The following OR51G1 variants were observed in gnomAD, a reference collection of about 807,000 sequenced individuals.
The protein encoded by OR51G1 is olfactory receptor family 51 subfamily G member 1, also known as olfactory receptor 51G1.
For missense variants in OR51G1, 454 were observed against 396.0 expected (o/e 1.15, Z -1.24); for synonymous variants, 163 against 156.9 (o/e 1.04, Z -0.29).
rs148246125 is a variant in OR51G1 at position 4,923,729 on chromosome 11, A to G, written c.611T>C (p.Val204Ala). The part of the protein sequence containing the change: ...IIVNHIYGLF[V>A]VACTVGVDSL... ...GTCCACACCCACGGTGCAGGCCACA[A>G]CAAAGAGCCCATAGATGTGATTGAC... Residue 204 changes from valine to alanine, a missense_variant, in exon 1 of 1, where the codon GTT becomes GCT. Coordinates refer to ENST00000623849, the MANE Select transcript of OR51G1 (RefSeq NM_001005237.1). 6.7e-5 allele frequency: 108 copies of G among 1,614,148 alleles called. 1 individual carries two copies. In the South Asian group the frequency reaches 1.0e-3, roughly 15 times the overall value.
chr11:4,924,200 A>G lies in OR51G1; in HGVS notation c.140T>C (p.Ile47Thr), dbSNP rs1317166020. 3 of 1,614,202 alleles carry G rather than the reference A, an allele frequency of 1.9e-6. No individual in the cohort carries two copies. The highest frequency in any genetic ancestry group is 1.1e-5 in the South Asian group (1 of 91,080). The change falls in exon 1 of 1, where the codon ATT (isoleucine) becomes ACT (threonine). Residue 47 changes from isoleucine to threonine, a missense_variant. Ile to Thr is a moderately conservative substitution (Grantham distance 89). Coordinates refer to ENST00000623849, the MANE Select transcript of OR51G1 (RefSeq NM_001005237.1). ...GGCATCAGTACAAATGACGTGGAGA[A>G]TGGTGAGGTTCCCCAAGATAACTGT... ...YLTVILGNLT[I>T]LHVICTDATL...
chr11:4,923,952 T>G lies in OR51G1; in HGVS notation c.388A>C (p.Asn130His). Residue 130 changes from asparagine (N) to histidine (H), a missense_variant, in exon 1 of 1, where the codon AAC becomes CAC. Transcript: ENST00000623849. The stretch of plus-strand genomic sequence containing the variant: ...AGGACGGTGGAGTCATGCAGTGGGT[T>G]GCAGACGGCCACGTAGCGGTCAATG... ...MSIDRYVAVCNPLHDSTVLTP... is the reference protein window; with the variant it reads ...MSIDRYVAVCHPLHDSTVLTP... 1 of 1,614,100 alleles carries G rather than the reference T, an allele frequency of 6.2e-7. No homozygotes were observed.
rs776636581 is a variant in OR51G1, at chr11:4,924,253, G to T, written c.87C>A (p.Ile29=). Residue 29 remains isoleucine, a synonymous_variant, in exon 1 of 1, where the codon ATC becomes ATA. Coordinates refer to ENST00000623849, the MANE Select transcript of OR51G1 (RefSeq NM_001005237.1). The part of the protein sequence containing the change: ...FQGLEGLHGW[I]SIPFCFIYLT... ...GGTAGATGAAGCAGAAGGGAATAGA[G>T]ATCCAGCCATGGAGACCTTCTAGAC... 1.2e-6 allele frequency: 2 copies of T among 1,614,164 alleles called. No homozygotes were observed. Among genetic ancestry groups the T allele is most frequent in the Non-Finnish European group, 1.7e-6 (2 of 1,180,024 alleles).
Position 4,923,853 on chromosome 11 carries a change from A to G in OR51G1, c.487T>C (p.Phe163Leu). The change falls in exon 1 of 1, where the codon TTC (phenylalanine) becomes CTC (leucine). Residue 163 changes from phenylalanine to leucine, a missense_variant. By Grantham distance (22) the Phe-to-Leu change is conservative (BLOSUM62 0). Coordinates refer to ENST00000623849, the MANE Select transcript of OR51G1 (RefSeq NM_001005237.1). The part of the protein sequence containing the change: ...RSALLILPLP[F>L]LLKRFQYCHS... ...CAGTATTGGAAGCGCTTCAGGAGGA[A>G]TGGCAAGGGGAGGATGAGGAGAGCA... 2 of 1,614,012 alleles carry G rather than the reference A, an allele frequency of 1.2e-6. No homozygotes were observed. Among genetic ancestry groups the G allele is most frequent in the Non-Finnish European group, 1.7e-6 (2 of 1,180,010 alleles).
chr11:4,923,971 G>C lies in OR51G1; in HGVS notation c.369C>G (p.Asp123Glu). 1.2e-6 allele frequency: 2 copies of C among 1,614,142 alleles called. No homozygotes were observed. The highest frequency in any genetic ancestry group is 1.7e-6 in the Non-Finnish European group (2 of 1,180,028). Reference protein sequence around the residue: ...ESSVLLSMSIDRYVAVCNPLH... With the variant: ...ESSVLLSMSIERYVAVCNPLH... ...GTGGGTTGCAGACGGCCACGTAGCG[G>C]TCAATGGACATGGATAACAGAACTG... The change falls in exon 1 of 1, where the codon GAC becomes GAG. Residue 123 changes from aspartate to glutamate, a missense_variant. By Grantham distance (45) the Asp-to-Glu change is conservative. Coordinates refer to ENST00000623849, the MANE Select transcript of OR51G1 (RefSeq NM_001005237.1).
In OR51G1 at chr11:4,923,507, A is replaced by C. The variant is rs1376358564; in HGVS notation, c.833T>G (p.Met278Arg). The change falls in exon 1 of 1, where the codon ATG (methionine) becomes AGG (arginine). Residue 278 changes from methionine (M) to arginine (R), a missense_variant. Transcript: ENST00000623849. ...TGGTACCAGCAGATACACATAGGAC[A>C]TGAAGAGGTGTACAACGCGGGGCAG... The part of the protein sequence containing the change: ...EHLPRVVHLF[M>R]SYVYLLVPPL... The C allele has an allele frequency of 1.2e-6, 2 of 1,614,082 alleles. No individual in the cohort carries two copies. The highest frequency in any genetic ancestry group is 1.7e-6 in the Non-Finnish European group (2 of 1,180,030).
rs1198620276 is a variant in OR51G1 at position 4,923,593 on chromosome 11, A to G, written c.747T>C (p.Ala249=). ...TCATGGGGATGTAGAAGAGCAGTAC[A>G]GCACAGATATGAGAGACACAGGTGT... The part of the protein sequence containing the change: ...ALNTCVSHIC[A]VLLFYIPMIG... The change falls in exon 1 of 1, where the codon GCT becomes GCC. Residue 249 remains alanine, a synonymous_variant. Coordinates refer to ENST00000623849, the MANE Select transcript of OR51G1 (RefSeq NM_001005237.1). The G allele has an allele frequency of 1.2e-6, 2 of 1,614,152 alleles. No individual in the cohort carries two copies. Among genetic ancestry groups the G allele is most frequent in the Non-Finnish European group, 8.5e-7 (1 of 1,180,022 alleles).
In OR51G1 at chr11:4,924,320, C is replaced by T. The variant is rs1374502939; in HGVS notation, c.20G>A (p.Ser7Asn). Reference sequence around the variant, plus strand: ...GAAGAAAGTGGCTCTTTGGAGGCTGCTATTAAGAAGAATTGTCATAGCTTT... The same window carrying T: ...GAAGAAAGTGGCTCTTTGGAGGCTGTTATTAAGAAGAATTGTCATAGCTTT... MTILLN[S>N]SLQRATFFLT... Residue 7 changes from serine to asparagine, a missense_variant, in exon 1 of 1, where the codon AGC becomes AAC. By Grantham distance (46) the Ser-to-Asn change is conservative. Coordinates refer to ENST00000623849, the MANE Select transcript of OR51G1 (RefSeq NM_001005237.1). 4.4e-6 allele frequency: 7 copies of T among 1,608,274 alleles called. No individual in the cohort carries two copies. In the South Asian group the frequency reaches 5.6e-5, roughly 13 times the overall value.
chr11:4,924,251 G>T lies in OR51G1; in HGVS notation c.89C>A (p.Ser30Tyr). Reference protein sequence around the residue: ...QGLEGLHGWISIPFCFIYLTV... With the variant: ...QGLEGLHGWIYIPFCFIYLTV... ...CAGGTAGATGAAGCAGAAGGGAATA[G>T]AGATCCAGCCATGGAGACCTTCTAG... The change falls in exon 1 of 1, where the codon TCT becomes TAT. Residue 30 changes from serine to tyrosine, a missense_variant. Ser to Tyr is a moderately radical substitution (Grantham distance 144, BLOSUM62 -2). Coordinates refer to ENST00000623849, the MANE Select transcript of OR51G1 (RefSeq NM_001005237.1). 1 of 1,614,168 alleles carries T rather than the reference G, an allele frequency of 6.2e-7. No individual in the cohort carries two copies. The highest frequency in any genetic ancestry group is 8.5e-7 in the Non-Finnish European group (1 of 1,180,022).
Position 4,923,821 on chromosome 11 carries a change from G to A in OR51G1, c.519C>T (p.Ser173=). Residue 173 remains serine, a synonymous_variant, in exon 1 of 1, where the codon TCC becomes TCT. Transcript: ENST00000623849. ...GACAATAAGCATGAGCCAGCACATGGGAGTGGCAGTATTGGAAGCGCTTCA... is the reference window on the plus strand; with the variant it reads ...GACAATAAGCATGAGCCAGCACATGAGAGTGGCAGTATTGGAAGCGCTTCA... ...FLLKRFQYCH[S]HVLAHAYCLH... The A allele has an allele frequency of 1.2e-6, 2 of 1,613,998 alleles. No individual in the cohort carries two copies. Among genetic ancestry groups the A allele is most frequent in the East Asian group, 2.2e-5 (1 of 44,858 alleles).
chr11:4,923,401 C>A lies in OR51G1; in HGVS notation c.939G>T (p.Lys313Asn). 6.4e-7 allele frequency: 1 copy of A among 1,569,172 alleles called. No homozygotes were observed. The change falls in exon 1 of 1, where the codon AAG (lysine) becomes AAT (asparagine). Residue 313 changes from lysine (K) to asparagine (N), a missense_variant. Physicochemically the swap from Lys to Asn is moderately conservative, Grantham distance 94 (BLOSUM62 0). Transcript: ENST00000623849. Reference sequence around the variant, plus strand: ...AATCCTTCCAAAAACACCTAAGTGACTTTATAAACTGAAACTTCTTAATGA... The same window carrying A: ...AATCCTTCCAAAAACACCTAAGTGAATTTATAAACTGAAACTTCTTAATGA... ...QRIIKKFQFI[K>N]SLRCFWKD
In OR51G1 at chr11:4,923,468, G is replaced by T. The variant is rs552022062; in HGVS notation, c.872C>A (p.Pro291His). The T allele has an allele frequency of 2.1e-4, 345 of 1,613,308 alleles. 3 individuals carry two copies. In the South Asian group the frequency reaches 3.6e-3, roughly 17 times the overall value. Residue 291 changes from proline (P) to histidine (H), a missense_variant, in exon 1 of 1, where the codon CCC becomes CAC. Coordinates refer to ENST00000623849, the MANE Select transcript of OR51G1 (RefSeq NM_001005237.1). ...CTTGGTCTTGATGCTGTAGATGATG[G>T]GGTTCATAAGGGGTGGTACCAGCAG... is the stretch of plus-strand genomic sequence containing the variant. ...VYLLVPPLMN[P>H]IIYSIKTKQI...
Position 4,923,821 on chromosome 11 carries a change from G to C in OR51G1, c.519C>G (p.Ser173=). 6.2e-7 allele frequency: 1 copy of C among 1,613,998 alleles called. No homozygotes were observed. Among genetic ancestry groups the C allele is most frequent in the Non-Finnish European group, 8.5e-7 (1 of 1,180,018 alleles). ...FLLKRFQYCH[S]HVLAHAYCLH... ...GACAATAAGCATGAGCCAGCACATGGGAGTGGCAGTATTGGAAGCGCTTCA... is the reference window on the plus strand; with the variant it reads ...GACAATAAGCATGAGCCAGCACATGCGAGTGGCAGTATTGGAAGCGCTTCA... Residue 173 remains serine (S), a synonymous_variant, in exon 1 of 1, where the codon TCC becomes TCG. Transcript: ENST00000623849.
rs752679930 is a variant in OR51G1, at chr11:4,923,549, T to C, written c.791A>G (p.His264Arg). 3.7e-6 allele frequency: 6 copies of C among 1,614,092 alleles called. No homozygotes were observed. The highest frequency in any genetic ancestry group is 1.7e-5 in the Admixed American group (1 of 60,016). The change falls in exon 1 of 1, where the codon CAT (histidine) becomes CGT (arginine). Residue 264 changes from histidine (H) to arginine (R), a missense_variant. Physicochemically the swap from His to Arg is conservative, Grantham distance 29. Coordinates refer to ENST00000623849, the MANE Select transcript of OR51G1 (RefSeq NM_001005237.1). The stretch of plus-strand genomic sequence containing the variant: ...GCGGGGCAGATGTTCACCAAAGCGA[T>C]GCACAAGAGACAAGCCAATCATGGG... ...YIPMIGLSLVHRFGEHLPRVV... is the reference protein window; with the variant it reads ...YIPMIGLSLVRRFGEHLPRVV...
rs146006146 is a variant in OR51G1, at chr11:4,923,525, C to T, written c.815G>A (p.Arg272His). The T allele has an allele frequency of 3.9e-4, 636 of 1,614,030 alleles. 4 individuals carry two copies. In the East Asian group the frequency reaches 0.011, roughly 29 times the overall value. The stretch of plus-strand genomic sequence containing the variant: ...ATAGGACATGAAGAGGTGTACAACG[C>T]GGGGCAGATGTTCACCAAAGCGATG... The part of the protein sequence containing the change: ...LVHRFGEHLP[R>H]VVHLFMSYVY... The change falls in exon 1 of 1, where the codon CGC becomes CAC. Residue 272 changes from arginine to histidine, a missense_variant. By Grantham distance (29) the Arg-to-His change is conservative. Transcript: ENST00000623849.
rs745347229 is a variant in OR51G1, at chr11:4,923,380, C to A, written c.960G>T (p.Lys320Asn). Residue 320 changes from lysine to asparagine, a missense_variant, in exon 1 of 1, where the codon AAG becomes AAT. Lys to Asn is a moderately conservative substitution (Grantham distance 94, BLOSUM62 0). Transcript: ENST00000623849. ...QFIKSLRCFW[K>N]D is the part of the protein sequence containing the mutation. ...TTCCTCTCTTTACTCTAACTTAATC[C>A]TTCCAAAAACACCTAAGTGACTTTA... The A allele has an allele frequency of 7.8e-6, 12 of 1,545,224 alleles. No individual in the cohort carries two copies. The highest frequency in any genetic ancestry group is 9.6e-6 in the Non-Finnish European group (11 of 1,146,914).
rs575908134 is a variant in OR51G1, at chr11:4,924,028, G to T, written c.312C>A (p.Phe104Leu). The T allele has an allele frequency of 3.1e-6, 5 of 1,614,174 alleles. No homozygotes were observed. In the Admixed American group the frequency reaches 6.7e-5, roughly 22 times the overall value. The change falls in exon 1 of 1, where the codon TTC becomes TTA. Residue 104 changes from phenylalanine (F) to leucine (L), a missense_variant. By Grantham distance (22) the Phe-to-Leu change is conservative. Transcript: ENST00000623849. Reference protein sequence around the residue: ...IGIPACFTQLFFIHTLSSMES... With the variant: ...IGIPACFTQLLFIHTLSSMES... ...CCATTGAAGACAAGGTGTGGATGAA[G>T]AAGAGCTGAGTGAAACAGGCAGGGA... is the stretch of plus-strand genomic sequence containing the variant.
In OR51G1 at chr11:4,923,425, G is replaced by C. The variant is rs1184416409; in HGVS notation, c.915C>G (p.Ile305Met). ...ACTTTATAAACTGAAACTTCTTAAT[G>C]ATGCGCTGGCGAATTTGCTTGGTCT... ...SIKTKQIRQR[I>M]IKKFQFIKSL... Residue 305 changes from isoleucine to methionine, a missense_variant, in exon 1 of 1, where the codon ATC becomes ATG. Physicochemically the swap from Ile to Met is conservative, Grantham distance 10. Transcript: ENST00000623849. 2.5e-6 allele frequency: 4 copies of C among 1,593,486 alleles called. No individual in the cohort carries two copies. The highest frequency in any genetic ancestry group is 1.7e-5 in the Admixed American group (1 of 58,066).
chr11:4,924,298 G>C lies in OR51G1; in HGVS notation c.42C>G (p.Phe14Leu). The change falls in exon 1 of 1, where the codon TTC becomes TTG. Residue 14 changes from phenylalanine to leucine, a missense_variant. By Grantham distance (22) the Phe-to-Leu change is conservative (BLOSUM62 0). Coordinates refer to ENST00000623849, the MANE Select transcript of OR51G1 (RefSeq NM_001005237.1). ...LLNSSLQRAT[F>L]FLTGFQGLEG... ...CTAGACCTTGGAAGCCCGTCAGGAA[G>C]AAAGTGGCTCTTTGGAGGCTGCTAT... is the stretch of plus-strand genomic sequence containing the variant. The C allele has an allele frequency of 3.1e-6, 5 of 1,613,128 alleles. No homozygotes were observed. The highest frequency in any genetic ancestry group is 4.2e-6 in the Non-Finnish European group (5 of 1,179,646).
Sources: gnomAD v4.1 joint callset for allele counts on GRCh38, gnomAD v4.1.1 for gene constraint, MANE v1.5 for transcripts, NCBI Gene and HGNC (gene_info 2026-07-23, HGNC 2026-07-21) for gene names.